The following DLGAP4 variants were observed in gnomAD, a reference collection of about 807,000 sequenced individuals.
DLGAP4 encodes DLG associated protein 4.
DLGAP4 carries 18 observed loss-of-function variants against 86.9 expected under a neutral mutation model. That is an observed-to-expected ratio of 0.21 (90% CI 0.14 to 0.31). The LOEUF is 0.31. Among genes scored for constraint, DLGAP4 ranks in the 10% least tolerant of loss-of-function variants. The pLI is 1.00. For missense variants in DLGAP4, 1,085 were observed against 1,362.6 expected, an observed-to-expected ratio of 0.80 and a Z score of 3.21; for synonymous variants, 548 against 574.3, an observed-to-expected ratio of 0.95 and a Z score of 0.65.
In DLGAP4 at chr20:36,308,007, G is replaced by T. The variant is rs781988654; in HGVS notation, c.-304+1495G>T. ...GCAGAGCTGGTGCCCTGGCCTGGCC[G>T]ATGGGTGGCTGGAGTGTTGGAGCCA... On this transcript the variant is annotated intron_variant, in intron 1 of 12. Transcript: ENST00000339266. The surrounding 1 kb of genome is among the most constrained non-coding windows in gnomAD (Gnocchi z 4.5). Among the ~76,000 whole-genome samples, 3 of 152,220 alleles carry T rather than the reference G, an allele frequency of 2.0e-5. No homozygotes were observed. Among genetic ancestry groups the T allele is most frequent in the African/African-American group, 7.2e-5 (3 of 41,454 alleles).
chr20:36,502,048 C>T (rs779787002), intron 10 of DLGAP4, among the ~76,000 whole-genome samples: 11 of 152,158 alleles, frequency 7.2e-5, no homozygotes, highest in Non-Finnish European at 1.3e-4. Context: ...AAAAATGTGA[C>T]TGATTATATT....
At chr20:36,499,200 T>G in intron 8 of DLGAP4, 1 of 1,573,682 alleles carries the variant, frequency 6.4e-7, no homozygotes, top group Non-Finnish European at 8.7e-7. Context: ...TTTCTTTCTC[T>G]TTCGTCGTCC....
chr20:36,481,985 A>G (rs949494928), intron 7 of DLGAP4, among the ~76,000 whole-genome samples: 5 of 151,190 alleles, frequency 3.3e-5, no homozygotes, highest in South Asian at 2.1e-4. Flanking sequence ...GCTCTGAGGG[A>G]AAAAAAATCC....
At chr20:36,454,214 G>A (rs1241667293) in intron 7 of DLGAP4, among the ~76,000 whole-genome samples, 7 of 147,210 alleles carry the variant, frequency 4.8e-5, no homozygotes, top group Admixed American at 1.4e-4. Context: ...AGCCAAGATC[G>A]CACTATTACA....
rs762574563 is a variant in DLGAP4, at chr20:36,524,361, C to T, written c.2604+20C>T. 6.2e-6 allele frequency: 10 copies of T among 1,602,968 alleles called. No homozygotes were observed. The highest frequency in any genetic ancestry group is 1.1e-5 in the South Asian group (1 of 89,420). Reference sequence around the variant, plus strand: ...AACTTGGTGAGTGTGATTCTCCTTCCTCCACAGCAGGGCTTCCAGCCTTTG... The same window carrying T: ...AACTTGGTGAGTGTGATTCTCCTTCTTCCACAGCAGGGCTTCCAGCCTTTG... On this transcript the variant is annotated intron_variant, in intron 11 of 12. Transcript: ENST00000339266.
At chr20:36,424,017 A>AG (rs1286430455) in intron 2 of DLGAP4, among the ~76,000 whole-genome samples, 1 of 152,110 alleles carries the variant, frequency 6.6e-6, no homozygotes, top group Admixed American at 6.6e-5. Context: ...ACCGAGGCTC[A>AG]GGGGGAATGA....
intron 2 of DLGAP4, among the ~76,000 whole-genome samples, chr20:36,421,357 C>G (rs1308471617): frequency 6.6e-6 from 1 of 151,080 alleles, no homozygotes; most frequent in Non-Finnish European, 1.5e-5. Context: ...GTTTGGGAGG[C>G]TGAGGCAGGA....
At chr20:36,344,002 G>T (rs1397485544) in intron 1 of DLGAP4, among the ~76,000 whole-genome samples, 1 of 152,240 alleles carries the variant, frequency 6.6e-6, no homozygotes, top group South Asian at 2.1e-4. Context: ...GTGCAGGGGA[G>T]TGCTGTTCAC....
rs746029699 is a variant in DLGAP4, at chr20:36,431,898, A to G, written c.181A>G (p.Asn61Asp). Residue 61 changes from asparagine (N) to aspartate (D), a missense_variant, in exon 3 of 13, where the codon AAC becomes GAC. Physicochemically the swap from Asn to Asp is conservative, Grantham distance 23. Coordinates refer to ENST00000339266, the MANE Select transcript of DLGAP4 (RefSeq NM_001365621.2). The surrounding 1 kb of genome is among the most constrained non-coding windows in gnomAD (Gnocchi z 5.1). ...TLPGDGLFPL[N>D]NQLPPPSSTF... ...GCCAGGAGATGGCCTCTTTCCCCTCAACAACCAGCTGCCCCCGCCCAGCAG... is the reference window on the plus strand; with the variant it reads ...GCCAGGAGATGGCCTCTTTCCCCTCGACAACCAGCTGCCCCCGCCCAGCAG... The G allele has an allele frequency of 2.5e-6, 4 of 1,613,824 alleles. No homozygotes were observed. The Admixed American group carries it at 5.0e-5, about 20-fold the overall frequency.
Position 36,432,146 on chromosome 20 carries a change from C to T in DLGAP4, c.429C>T (p.Val143=), listed in dbSNP as rs985911781. Residue 143 remains valine (V), a synonymous_variant, in exon 3 of 13, where the codon GTC becomes GTT. Transcript: ENST00000339266. The surrounding 1 kb of genome is among the most constrained non-coding windows in gnomAD (Gnocchi z 6.5). ...GCCCTGGCCGCATCCGCCACCTGGTCCACTCAGTCCAGCGGCTTTTCTTCA... is the reference window on the plus strand; with the variant it reads ...GCCCTGGCCGCATCCGCCACCTGGTTCACTCAGTCCAGCGGCTTTTCTTCA... ...GESPGRIRHL[V]HSVQRLFFTK... The T allele has an allele frequency of 1.2e-6, 2 of 1,614,198 alleles. No homozygotes were observed. Among genetic ancestry groups the T allele is most frequent in the Non-Finnish European group, 1.7e-6 (2 of 1,180,040 alleles).
At chr20:36,330,625 T>G (rs1480467067) in intron 1 of DLGAP4, among the ~76,000 whole-genome samples, 3 of 147,890 alleles carry the variant, frequency 2.0e-5, no homozygotes, top group African/African-American at 7.6e-5. Flanking sequence ...CAGGCTGGAG[T>G]GCAGTGGTGT....
chr20:36,467,030 C>G (rs2034420616), intron 7 of DLGAP4, among the ~76,000 whole-genome samples: 1 of 106,726 alleles, frequency 9.4e-6, no homozygotes, highest in African/African-American at 4.9e-5. Context: ...CTCTCTCTCT[C>G]TCTCTCTCTC....
At chr20:36,362,525 A>G (rs1249728032) in intron 1 of DLGAP4, among the ~76,000 whole-genome samples, 1 of 152,156 alleles carries the variant, frequency 6.6e-6, no homozygotes, top group Non-Finnish European at 1.5e-5. Flanking sequence ...GCTGGGCTGG[A>G]AAGAGAAATG....
chr20:36,381,343 G>A (rs187683756), intron 2 of DLGAP4, among the ~76,000 whole-genome samples: 1 of 152,332 alleles, frequency 6.6e-6, no homozygotes, highest in African/African-American at 2.4e-5. Context: ...ATTTTTGTCT[G>A]TGTTTTCTTA....
chr20:36,370,473 G>C (rs149034149), intron 2 of DLGAP4, among the ~76,000 whole-genome samples: 6 of 151,090 alleles, frequency 4.0e-5, no homozygotes, highest in Non-Finnish European at 8.8e-5. Flanking sequence ...GTGACAGAGT[G>C]AGACCCTGTC....
At chr20:36,478,540 T>A (rs2035045463) in intron 7 of DLGAP4, among the ~76,000 whole-genome samples, 1 of 152,224 alleles carries the variant, frequency 6.6e-6, no homozygotes. Flanking sequence ...TTTCTCCAGA[T>A]GTTTCTTGGG....
chr20:36,337,503 A>T (rs1369078235), intron 1 of DLGAP4, among the ~76,000 whole-genome samples: 1 of 152,138 alleles, frequency 6.6e-6, no homozygotes, highest in Non-Finnish European at 1.5e-5. Context: ...TGCTGAGCTG[A>T]GATGGGCCTG....
chr20:36,441,862 G>C lies in DLGAP4; in HGVS notation c.1357-865G>C, dbSNP rs571997051. Among the ~76,000 whole-genome samples the C allele has an allele frequency of 9.1e-4, 138 of 152,150 alleles. 1 individual carries two copies. The highest frequency in any genetic ancestry group is 1.6e-3 in the Non-Finnish European group (107 of 68,010). Reference sequence around the variant, plus strand: ...ACATCCCATCTCCACCCCCGCCTGGGCCTGGCACCCAGGACACCTTTGTCC... The same window carrying C: ...ACATCCCATCTCCACCCCCGCCTGGCCCTGGCACCCAGGACACCTTTGTCC... On this transcript the variant is annotated intron_variant, in intron 5 of 12. Transcript: ENST00000339266.
At chr20:36,433,237 A>G (rs969895410) in intron 3 of DLGAP4, among the ~76,000 whole-genome samples, 6 of 152,224 alleles carry the variant, frequency 3.9e-5, no homozygotes, top group African/African-American at 7.2e-5. Flanking sequence ...AGTCCCAAAG[A>G]TTAGAATACT....
Sources: allele counts gnomAD v4.1 joint callset (sites outside exome capture counted in the v4.1 genomes callset), GRCh38; gene constraint gnomAD v4.1.1; non-coding constraint Gnocchi (gnomAD v3.1); transcripts MANE v1.5; gene names NCBI Gene and HGNC (gene_info 2026-07-23, HGNC 2026-07-21).